Variants in CNTNAP5 observed in about 807,000 individuals in gnomAD.
CNTNAP5 encodes contactin associated protein family member 5, also known as contactin-associated protein-like 5.
Under a neutral mutation model 150.2 loss-of-function variants are expected in CNTNAP5, and 72 were observed. The observed-to-expected ratio is 0.48, with a 90% CI of 0.40 to 0.58. The LOEUF (loss-of-function observed/expected upper bound fraction) is 0.58. CNTNAP5 is among the 20% of genes least tolerant of loss of function. The probability of loss-of-function intolerance (pLI) is 0.00; values close to 1 mark genes in which losing one functional copy is unlikely to be tolerated. For missense variants in CNTNAP5, 1,636 were observed against 1,626.2 expected, an observed-to-expected ratio of 1.01 and a Z score of -0.10; for synonymous variants, 672 against 619.8, an observed-to-expected ratio of 1.08 and a Z score of -1.25.
Position 124,914,620 on chromosome 2 carries a change from T to C in CNTNAP5, c.*332T>C. On this transcript the variant is annotated 3_prime_UTR_variant, in exon 24 of 24. Transcript: ENST00000682447. ...AGTTTCTAAAATGCACTGTTCAGTT[T>C]TCCAACCACTTGGTGGTTCAGGCTT... 1 of 188,398 alleles carries C rather than the reference T, an allele frequency of 5.3e-6. No individual in the cohort carries two copies. Among genetic ancestry groups the C allele is most frequent in the Non-Finnish European group, 1.1e-5 (1 of 90,954 alleles). The allele number at this position is 188,398 out of a possible 1,614,324, so 11.7% of individuals were successfully genotyped here.
chr2:124,471,891 C>T (rs1180299965), intron 6 of CNTNAP5, among the ~76,000 whole-genome samples: 3 of 151,874 alleles, frequency 2.0e-5, no homozygotes, highest in Non-Finnish European at 4.4e-5. Flanking sequence ...ATGTAAATGA[C>T]TCAAATTTAA....
chr2:124,660,206 G>A (rs1187680184), intron 13 of CNTNAP5, among the ~76,000 whole-genome samples: 5 of 152,198 alleles, frequency 3.3e-5, no homozygotes, highest in South Asian at 2.1e-4. Flanking sequence ...GGTTAACCAT[G>A]TGGATGGAGG....
intron 3 of CNTNAP5, among the ~76,000 whole-genome samples, chr2:124,251,940 A>T (rs1434679909): frequency 6.6e-6 from 1 of 152,194 alleles, no homozygotes; most frequent in Non-Finnish European, 1.5e-5. Context: ...CTAGCCCACT[A>T]CGTGTAAACA....
chr2:124,207,780 T>G (rs920831191), intron 1 of CNTNAP5, among the ~76,000 whole-genome samples: 1 of 152,210 alleles, frequency 6.6e-6, no homozygotes, highest in South Asian at 2.1e-4. Flanking sequence ...ATTTTTAATC[T>G]GTTCATGCAT....
In CNTNAP5 at chr2:124,194,731, A is replaced by G. The variant is rs557831654; in HGVS notation, c.83-26974A>G. 1.2e-4 allele frequency among the ~76,000 whole-genome samples: 18 copies of G among 151,018 alleles called. No individual in the cohort carries two copies. The South Asian group carries it at 3.7e-3, about 31-fold the overall frequency. ...CATAATATTTTATATATAACCTTAT[A>G]TATTATAGGTAACATTACACATAAT... On this transcript the variant is annotated intron_variant, in intron 1 of 23. Transcript: ENST00000682447.
chr2:124,405,195 G>A (rs918383229), intron 3 of CNTNAP5, among the ~76,000 whole-genome samples: 7 of 152,110 alleles, frequency 4.6e-5, no homozygotes, highest in Non-Finnish European at 7.4e-5. Context: ...TCCTCATGAG[G>A]CGGCGAGACT....
At chr2:124,094,593 C>A (rs1378832453) in intron 1 of CNTNAP5, among the ~76,000 whole-genome samples, 1 of 152,138 alleles carries the variant, frequency 6.6e-6, no homozygotes, top group African/African-American at 2.4e-5. Flanking sequence ...CTCAAAGTTT[C>A]ATGTTTGTTC....
In CNTNAP5 at chr2:124,842,858, C is replaced by T. The variant is rs1004013625; in HGVS notation, c.3218-22448C>T. On this transcript the variant is annotated intron_variant, in intron 19 of 23. Transcript: ENST00000682447. ...ATGCTCAGTGCAGTGCAGTTACTGC[C>T]TCATGAGAAATTCTCAAAAAGCTGA... is the stretch of plus-strand genomic sequence containing the variant. Among the ~76,000 whole-genome samples the T allele has an allele frequency of 7.9e-5, 12 of 151,998 alleles. No individual in the cohort carries two copies. The South Asian group carries it at 2.3e-3, about 29-fold the overall frequency.
intron 11 of CNTNAP5, among the ~76,000 whole-genome samples, chr2:124,570,174 T>G (rs1696119358): frequency 6.6e-6 from 1 of 152,188 alleles, no homozygotes; most frequent in Admixed American, 6.5e-5. Context: ...CTCTTTGATG[T>G]ATACCAAAAA....
chr2:124,482,576 A>G (rs1035633223), intron 7 of CNTNAP5, among the ~76,000 whole-genome samples: 1 of 152,118 alleles, frequency 6.6e-6, no homozygotes, highest in Non-Finnish European at 1.5e-5. Context: ...TTGAAGACCA[A>G]TGAGGTGTTT....
At chr2:124,821,547 C>T (rs988926002) in intron 19 of CNTNAP5, among the ~76,000 whole-genome samples, 17 of 152,198 alleles carry the variant, frequency 1.1e-4, no homozygotes, top group Non-Finnish European at 5.9e-5. Flanking sequence ...TTGAAAACCA[C>T]CGCTTTAAGG....
intron 3 of CNTNAP5, among the ~76,000 whole-genome samples, chr2:124,306,400 G>A (rs962671263): frequency 2.0e-5 from 3 of 152,166 alleles, no homozygotes; most frequent in Non-Finnish European, 2.9e-5. Context: ...GAAGAAAGCA[G>A]TCTTTCCCCC....
chr2:124,129,633 T>C (rs1230969455), intron 1 of CNTNAP5, among the ~76,000 whole-genome samples: 1 of 152,178 alleles, frequency 6.6e-6, no homozygotes, highest in East Asian at 1.9e-4. Context: ...TTAAAGATGG[T>C]ATTAAATATT....
At chr2:124,105,039 A>ATATAAAGCATATAAAG (rs879402557) in intron 1 of CNTNAP5, among the ~76,000 whole-genome samples, 1 of 152,102 alleles carries the variant, frequency 6.6e-6, no homozygotes, top group Non-Finnish European at 1.5e-5. Flanking sequence ...GCTGCTCTAC[A>ATATAAAGCATATAAAG]CATATATAAG....
intron 1 of CNTNAP5, among the ~76,000 whole-genome samples, chr2:124,087,915 G>A (rs561100056): frequency 2.6e-5 from 4 of 152,052 alleles, no homozygotes; most frequent in African/African-American, 9.7e-5. Context: ...AATTATGATG[G>A]GTCTTGCTAT....
At chr2:124,800,384 C>CT (rs1681942494) in intron 19 of CNTNAP5, among the ~76,000 whole-genome samples, 1 of 152,148 alleles carries the variant, frequency 6.6e-6, no homozygotes, top group Non-Finnish European at 1.5e-5. Flanking sequence ...TACACACACA[C>CT]ACACACAAAT....
At chr2:124,121,723 T>G (rs1233465472) in intron 1 of CNTNAP5, among the ~76,000 whole-genome samples, 1 of 152,120 alleles carries the variant, frequency 6.6e-6, no homozygotes, top group East Asian at 1.9e-4. Context: ...TCCTAAACTA[T>G]CCCATGCACC....
chr2:124,208,053 G>A (rs187731736), intron 1 of CNTNAP5, among the ~76,000 whole-genome samples: 1 of 152,208 alleles, frequency 6.6e-6, no homozygotes, highest in Admixed American at 6.5e-5. Context: ...ATTTTGCCTG[G>A]AACAAGCTTT....
intron 13 of CNTNAP5, among the ~76,000 whole-genome samples, chr2:124,664,952 G>A (rs12473959): frequency 0.3 from 46,027 of 152,076 alleles, 7,726 homozygotes; most frequent in Non-Finnish European, 0.38. Context: ...CTCCCAAAGT[G>A]CTGGGATTAT....
Sources: gnomAD v4.1 joint callset for allele counts (sites outside exome capture counted in the v4.1 genomes callset) on GRCh38, gnomAD v4.1.1 for gene constraint, MANE v1.5 for transcripts, NCBI Gene and HGNC (gene_info 2026-07-23, HGNC 2026-07-21) for gene names.